The following AKT3 variants were observed in gnomAD, a reference collection of about 807,000 sequenced individuals.
AKT3 encodes the protein AKT serine/threonine kinase 3, also known as RAC-gamma serine/threonine-protein kinase.
Under a neutral mutation model 65.3 loss-of-function variants are expected in AKT3, and 15 were observed. That is an observed-to-expected ratio of 0.23 (90% CI 0.15 to 0.35). The LOEUF (loss-of-function observed/expected upper bound fraction) is 0.35, where lower values mean the gene tolerates loss of function less well. AKT3 is among the 10% of genes least tolerant of loss of function. The pLI, the probability that AKT3 is intolerant of heterozygous loss-of-function variation, is 1.00. For missense variants in AKT3, 243 were observed against 576.5 expected, an observed-to-expected ratio of 0.42 and a Z score of 5.92; for synonymous variants, 206 against 183.8, an observed-to-expected ratio of 1.12 and a Z score of -0.98.
At chr1:243,562,093 G>C (rs1391015578) in intron 10 of AKT3, among the ~76,000 whole-genome samples, 1 of 152,048 alleles carries the variant, frequency 6.6e-6, no homozygotes, top group Non-Finnish European at 1.5e-5. Context: ...ATCAGCTGCT[G>C]AACAAATAAA....
intron 2 of AKT3, among the ~76,000 whole-genome samples, chr1:243,778,341 T>C (rs1002206711): frequency 2.6e-5 from 4 of 152,210 alleles, no homozygotes; most frequent in Admixed American, 2.6e-4. Flanking sequence ...GTATTATGAC[T>C]GAATCACTCA....
intron 8 of AKT3, among the ~76,000 whole-genome samples, chr1:243,584,957 T>C (rs1440332794): frequency 6.6e-6 from 1 of 152,014 alleles, no homozygotes; most frequent in Non-Finnish European, 1.5e-5. Flanking sequence ...AGAAAAAGTA[T>C]AACTATCTCT....
chr1:243,550,390 A>G (rs1443614830), intron 11 of AKT3, among the ~76,000 whole-genome samples: 3 of 152,220 alleles, frequency 2.0e-5, no homozygotes, highest in Non-Finnish European at 4.4e-5. Context: ...CTAGGCGGTT[A>G]ACATTCTAAG....
In AKT3 at chr1:243,730,654, TG is replaced by T. The variant is rs532878977; in HGVS notation, c.47-34939del. ...CTGGGCCAGCCTGGGAGCCGCCGGCTGGGGTGAGGTGGTGGGACTGAACAAG... is the reference window on the plus strand; with the variant it reads ...CTGGGCCAGCCTGGGAGCCGCCGGCTGGGTGAGGTGGTGGGACTGAACAAG... On this transcript the variant is annotated intron_variant, in intron 2 of 13. Transcript: ENST00000673466. Among the ~76,000 whole-genome samples the T allele has an allele frequency of 2.6e-3, 399 of 152,246 alleles. 2 individuals are homozygous for T. Among genetic ancestry groups the T allele is most frequent in the African/African-American group, 9.4e-3 (392 of 41,542 alleles).
intron 10 of AKT3, among the ~76,000 whole-genome samples, chr1:243,554,633 T>G (rs140310911): frequency 0.025 from 3,827 of 152,304 alleles, 53 homozygotes; most frequent in Non-Finnish European, 0.041. Flanking sequence ...ATTAGTACAA[T>G]GCACTGTTGG....
chr1:243,766,933 A>C (rs559552961), intron 2 of AKT3, among the ~76,000 whole-genome samples: 56 of 152,288 alleles, frequency 3.7e-4, no homozygotes, highest in Non-Finnish European at 7.8e-4. Context: ...AAAAGAAGAT[A>C]ATCTCAGTTT....
intron 12 of AKT3, among the ~76,000 whole-genome samples, chr1:243,539,402 A>G (rs1212731879): frequency 6.6e-6 from 1 of 152,196 alleles, no homozygotes; most frequent in Non-Finnish European, 1.5e-5. Context: ...TAACATACAA[A>G]ATATGTGTTA....
intron 2 of AKT3, among the ~76,000 whole-genome samples, chr1:243,815,774 C>CCAGTTGTTGTTGTTGTTGTTG (rs1693475219): frequency 3.5e-5 from 1 of 28,622 alleles, no homozygotes; most frequent in South Asian, 9.6e-4. Flanking sequence ...CCACACCCAG[C>CCAGTTGTTGTTGTTGTTGTTG]TAGTTGTTGT....
chr1:243,847,413 A>C (rs1227662790), intron 1 of AKT3, among the ~76,000 whole-genome samples: 1 of 152,176 alleles, frequency 6.6e-6, no homozygotes, highest in African/African-American at 2.4e-5. Flanking sequence ...TTGAACTAAA[A>C]GATATAATAA....
intron 8 of AKT3, chr1:243,613,142 C>T (rs28373402): frequency 1.4e-5 from 2 of 139,226 alleles, no homozygotes; most frequent in African/African-American, 5.3e-5. Context: ...TATATACATA[C>T]ATATATATAC....
At chr1:243,574,027 T>C (rs542781576) in intron 8 of AKT3, among the ~76,000 whole-genome samples, 258 of 152,258 alleles carry the variant, frequency 1.7e-3, no homozygotes, top group African/African-American at 6.0e-3. Flanking sequence ...GGTATCATGG[T>C]TATTAATAGA....
intron 12 of AKT3, among the ~76,000 whole-genome samples, chr1:243,513,831 T>C (rs775486486): frequency 6.6e-6 from 1 of 152,116 alleles, no homozygotes; most frequent in Non-Finnish European, 1.5e-5. Context: ...AAGCCTGCCA[T>C]TGTGCCAGAC....
At chr1:243,826,399 G>A (rs1694171512) in intron 2 of AKT3, among the ~76,000 whole-genome samples, 1 of 152,130 alleles carries the variant, frequency 6.6e-6, no homozygotes, top group Non-Finnish European at 1.5e-5. Context: ...CTTTACTCTT[G>A]CCATCTCCCG....
In AKT3 at chr1:243,810,339, G is replaced by A. The variant is rs187636143; in HGVS notation, c.46+32786C>T. Among the ~76,000 whole-genome samples the A allele has an allele frequency of 7.6e-4, 115 of 152,078 alleles. 1 individual carries two copies. Among genetic ancestry groups the A allele is most frequent in the Non-Finnish European group, 8.4e-4 (57 of 67,974 alleles). ...ATAGACACAATAAAACATGATAAAGGAGATATCACCACCGATCTCACAGAA... is the reference window on the plus strand; with the variant it reads ...ATAGACACAATAAAACATGATAAAGAAGATATCACCACCGATCTCACAGAA... On this transcript the variant is annotated intron_variant, in intron 2 of 13. Transcript: ENST00000673466.
At chr1:243,795,165 T>C (rs1460025350) in intron 2 of AKT3, among the ~76,000 whole-genome samples, 2 of 151,912 alleles carry the variant, frequency 1.3e-5, no homozygotes, top group Non-Finnish European at 2.9e-5. Flanking sequence ...TGTTGGAGTC[T>C]TCCCCCAGAT....
chr1:243,810,831 G>T (rs1367836002), intron 2 of AKT3, among the ~76,000 whole-genome samples: 4 of 152,178 alleles, frequency 2.6e-5, no homozygotes, highest in Non-Finnish European at 4.4e-5. Flanking sequence ...TATCCACCAT[G>T]ATCAAGTGGG....
intron 2 of AKT3, among the ~76,000 whole-genome samples, chr1:243,764,492 A>G (rs1689691029): frequency 6.6e-6 from 1 of 152,104 alleles, no homozygotes; most frequent in Non-Finnish European, 1.5e-5. Flanking sequence ...TAATACACAA[A>G]TACGTTGGTA....
At chr1:243,795,838 T>A (rs1691970042) in intron 2 of AKT3, among the ~76,000 whole-genome samples, 2 of 152,112 alleles carry the variant, frequency 1.3e-5, no homozygotes, top group Admixed American at 1.3e-4. Flanking sequence ...AGCTCTTCAT[T>A]AATTTTGCAA....
chr1:243,825,267 A>T (rs1694100277), intron 2 of AKT3, among the ~76,000 whole-genome samples: 1 of 152,146 alleles, frequency 6.6e-6, no homozygotes, highest in Admixed American at 6.5e-5. Context: ...GAGGGGAGAA[A>T]GAGCATCAGG....
Sources: allele counts gnomAD v4.1 joint callset (sites outside exome capture counted in the v4.1 genomes callset), GRCh38; gene constraint gnomAD v4.1.1; transcripts MANE v1.5; gene names NCBI Gene and HGNC (gene_info 2026-07-23, HGNC 2026-07-21).